The following ZNF160 variants were observed in gnomAD, a reference collection of about 807,000 sequenced individuals.
ZNF160 encodes the protein KRAB zinc finger protein KR18.
ZNF160 carries 9 observed loss-of-function variants against 13.1 expected under a neutral mutation model. That is an observed-to-expected ratio of 0.69 (90% CI 0.41 to 1.20). The LOEUF is 1.20. Ranked by LOEUF, ZNF160 falls within the 50% of genes most tolerant of loss-of-function variation. The pLI is 0.01. For synonymous variants in ZNF160, 293 were observed against 333.2 expected (o/e 0.88, Z 1.31); for missense variants, 838 against 988.0 (o/e 0.85, Z 2.04).
At chr19:53,075,793 A>C (rs749605830) in intron 3 of ZNF160, 19 of 518,880 alleles carry the variant, frequency 3.7e-5, no homozygotes, top group Admixed American at 7.8e-5. Context: ...CAAACTAATC[A>C]ATTTCAAGGA....
At position 53,069,989 on chromosome 19, in the gene ZNF160, C is replaced by A; in HGVS notation, c.545G>T (p.Gly182Val). 6.2e-7 allele frequency: 1 copy of A among 1,614,080 alleles called. No homozygotes were observed. Among genetic ancestry groups the A allele is most frequent in the African/African-American group, 1.3e-5 (1 of 75,018 alleles). ...IENKLMNNQL[G>V]VSFHSHLPEL... ...AGGCAGATGAGAATGAAAGCTTACT[C>A]CAAGCTGATTGTTCATAAGCTTGTT... Residue 182 changes from glycine (G) to valine (V), a missense_variant, in exon 6 of 6, where the codon GGA (glycine) becomes GTA (valine). Physicochemically the swap from Gly to Val is moderately radical, Grantham distance 109. Transcript: ENST00000683776. The surrounding 1 kb of genome is among the most constrained non-coding windows in gnomAD (Gnocchi z 4.4).
At chr19:53,102,030 T>G (rs914542252) in intron 1 of ZNF160, among the ~76,000 whole-genome samples, 2 of 152,110 alleles carry the variant, frequency 1.3e-5, no homozygotes, top group African/African-American at 4.8e-5. Context: ...ACTTTCACCT[T>G]GTCTCTCCAG....
chr19:53,066,888 T>C lies in ZNF160; in HGVS notation c.*1189A>G, dbSNP rs1288352726. On this transcript the variant is annotated 3_prime_UTR_variant, in exon 6 of 6. Coordinates refer to ENST00000683776, the MANE Select transcript of ZNF160 (RefSeq NM_001322131.2). ...ACCTCCGCCTCCTGGGTTCAAGCACTCTCCTGCCTCAGCCTCCCAAGTAGC... is the reference window on the plus strand; with the variant it reads ...ACCTCCGCCTCCTGGGTTCAAGCACCCTCCTGCCTCAGCCTCCCAAGTAGC... The C allele has an allele frequency of 1.3e-5, 2 of 152,180 alleles. No individual in the cohort carries two copies. Among genetic ancestry groups the C allele is most frequent in the Non-Finnish European group, 2.9e-5 (2 of 68,068 alleles). The allele number at this position is 152,180 out of a possible 1,614,324, so 9.4% of individuals were successfully genotyped here.
At chr19:53,081,017 T>C (rs1223542156) in intron 3 of ZNF160, among the ~76,000 whole-genome samples, 1 of 152,130 alleles carries the variant, frequency 6.6e-6, no homozygotes, top group Non-Finnish European at 1.5e-5. Flanking sequence ...TGGCTAAACA[T>C]ATGCAGAAGA....
At chr19:53,100,401 G>A (rs2085399209) in intron 1 of ZNF160, among the ~76,000 whole-genome samples, 1 of 149,126 alleles carries the variant, frequency 6.7e-6, no homozygotes, top group Non-Finnish European at 1.5e-5. Flanking sequence ...ACGAGGTCAG[G>A]AGATCGAGAC....
At chr19:53,071,860 T>C (rs982028164) in intron 5 of ZNF160, among the ~76,000 whole-genome samples, 4 of 152,158 alleles carry the variant, frequency 2.6e-5, no homozygotes, top group African/African-American at 9.7e-5. Context: ...ATATTCATTA[T>C]GTACAAATAC....
chr19:53,082,991 C>T (rs1196338126), intron 3 of ZNF160, among the ~76,000 whole-genome samples: 4 of 152,246 alleles, frequency 2.6e-5, no homozygotes, highest in South Asian at 2.1e-4. Context: ...TACATTTACC[C>T]ATTTATTATA....
chr19:53,095,396 G>A (rs933489346), intron 1 of ZNF160: 5 of 151,674 alleles, frequency 3.3e-5, no homozygotes, highest in African/African-American at 1.2e-4. Flanking sequence ...GGGCACTCCA[G>A]CCCTGTCCAA....
At position 53,067,464 on chromosome 19, in the gene ZNF160, A is replaced by C. The variant is rs1285615880; in HGVS notation, c.*613T>G. On this transcript the variant is annotated 3_prime_UTR_variant, in exon 6 of 6. Coordinates refer to ENST00000683776, the MANE Select transcript of ZNF160 (RefSeq NM_001322131.2). ...CTTCTTCACAAATTGGATAGAAATA[A>C]TCCTTCACCTAATCAATGATCTTCA... 6.6e-6 allele frequency: 1 copy of C among 152,246 alleles called. No homozygotes were observed. The highest frequency in any genetic ancestry group is 1.5e-5 in the Non-Finnish European group (1 of 68,056). 9.4% of individuals were successfully genotyped at this position (152,246 alleles called of 1,614,324 possible). A position where few individuals can be genotyped will look rare whatever the true frequency, so the allele number is the denominator to read the frequency against.
At position 53,067,999 on chromosome 19, in the gene ZNF160, T is replaced by A; in HGVS notation, c.*78A>T. 1 of 1,522,608 alleles carries A rather than the reference T, an allele frequency of 6.6e-7. No individual in the cohort carries two copies. The allele number at this position is 1,522,608 out of a possible 1,614,324, so 94.3% of individuals were successfully genotyped here. On this transcript the variant is annotated 3_prime_UTR_variant, in exon 6 of 6. Transcript: ENST00000683776. ...CTCATGAGGGATTGGCCACTGTCAC[T>A]ACATTTGTAAGGATTCTGTCAAGAA...
At chr19:53,089,159 C>G (rs1375660902) in intron 2 of ZNF160, among the ~76,000 whole-genome samples, 2 of 152,166 alleles carry the variant, frequency 1.3e-5, no homozygotes, top group Non-Finnish European at 2.9e-5. Flanking sequence ...AGTTCAGGTC[C>G]CAACCTGCAA....
intron 1 of ZNF160, among the ~76,000 whole-genome samples, chr19:53,097,978 G>A (rs55726167): frequency 0.1 from 15,782 of 152,118 alleles, 859 homozygotes; most frequent in East Asian, 0.13. Context: ...AGTACACTTC[G>A]GGATGTTTTT....
At chr19:53,094,287 G>C (rs2085139785) in intron 1 of ZNF160, among the ~76,000 whole-genome samples, 1 of 152,128 alleles carries the variant, frequency 6.6e-6, no homozygotes, top group Non-Finnish European at 1.5e-5. Flanking sequence ...TAAGCCCAGA[G>C]TTCTCTTTCT....
At chr19:53,076,298 T>A (rs1191432806) in intron 3 of ZNF160, among the ~76,000 whole-genome samples, 2 of 152,176 alleles carry the variant, frequency 1.3e-5, no homozygotes, top group African/African-American at 4.8e-5. Context: ...ACATACTGAG[T>A]GATATTCAAT....
chr19:53,082,801 T>C (rs2084683235), intron 3 of ZNF160, among the ~76,000 whole-genome samples: 1 of 152,222 alleles, frequency 6.6e-6, no homozygotes, highest in Non-Finnish European at 1.5e-5. Context: ...ACCATCTACC[T>C]GGAGATAGTG....
Position 53,068,754 on chromosome 19 carries a change from T to C in ZNF160, c.1780A>G (p.Lys594Glu). 1 of 1,614,202 alleles carries C rather than the reference T, an allele frequency of 6.2e-7. No homozygotes were observed. Among genetic ancestry groups the C allele is most frequent in the Non-Finnish European group, 8.5e-7 (1 of 1,180,026 alleles). ...AAGGCTCTGCCACAGTCATTACACTTGTAAGGTTTTTCTCCAGTATGAACT... is the reference window on the plus strand; with the variant it reads ...AAGGCTCTGCCACAGTCATTACACTCGTAAGGTTTTTCTCCAGTATGAACT... ...WRVHTGEKPY[K>E]CNDCGRAFSD... The change falls in exon 6 of 6, where the codon AAG becomes GAG. Residue 594 changes from lysine to glutamate, a missense_variant. Transcript: ENST00000683776.
At chr19:53,083,592 C>G (rs1158255403) in intron 3 of ZNF160, among the ~76,000 whole-genome samples, 1 of 152,150 alleles carries the variant, frequency 6.6e-6, no homozygotes, top group African/African-American at 2.4e-5. Flanking sequence ...AGGAAGACAA[C>G]AGTGCGTATA....
At chr19:53,073,575 G>A in intron 5 of ZNF160, 3 of 1,508,060 alleles carry the variant, frequency 2.0e-6, no homozygotes, top group Non-Finnish European at 2.6e-6. Flanking sequence ...GGACTATGGA[G>A]GCTTCCCCTC....
At chr19:53,087,530 G>T (rs1458761305) in intron 2 of ZNF160, among the ~76,000 whole-genome samples, 1 of 152,006 alleles carries the variant, frequency 6.6e-6, no homozygotes. Context: ...GAGGAGTTTG[G>T]GAAGTCACTT....
Sources: gnomAD v4.1 joint callset for allele counts (sites outside exome capture counted in the v4.1 genomes callset) on GRCh38, gnomAD v4.1.1 for gene constraint, Gnocchi (gnomAD v3.1) non-coding constraint, MANE v1.5 for transcripts, NCBI Gene and HGNC (gene_info 2026-07-23, HGNC 2026-07-21) for gene names.